The following ABTB2 variants were observed in gnomAD, a reference collection of about 807,000 sequenced individuals.
ABTB2 encodes ankyrin repeat and BTB domain containing 2.
A neutral mutation model predicts 104.1 loss-of-function variants in ABTB2; 56 were observed. The observed-to-expected ratio is 0.54, with a 90% CI of 0.43 to 0.67. The LOEUF is 0.67. Among genes scored for constraint, ABTB2 ranks in the 30% least tolerant of loss-of-function variants. ABTB2 has a pLI of 0.00. For synonymous variants in ABTB2, 606 were observed against 608.2 expected, an observed-to-expected ratio of 1.00 and a Z score of 0.05; for missense variants, 1,279 against 1,407.7, an observed-to-expected ratio of 0.91 and a Z score of 1.46.
intron 1 of ABTB2, among the ~76,000 whole-genome samples, chr11:34,327,437 G>A (rs1855083584): frequency 6.6e-6 from 1 of 152,142 alleles, no homozygotes; most frequent in African/African-American, 2.4e-5. Flanking sequence ...AGCCACTTGA[G>A]GGCCCAGTAG....
At chr11:34,340,335 G>A (rs115004065) in intron 1 of ABTB2, among the ~76,000 whole-genome samples, 2,278 of 152,312 alleles carry the variant, frequency 0.015, 63 homozygotes, top group African/African-American at 0.052. Flanking sequence ...GCTGCTACCT[G>A]CCATGTGCTG....
intron 1 of ABTB2, among the ~76,000 whole-genome samples, chr11:34,281,718 C>T (rs1854450755): frequency 6.6e-6 from 1 of 152,222 alleles, no homozygotes; most frequent in South Asian, 2.1e-4. Context: ...TTGCTATTCA[C>T]AGACACGAAG....
intron 1 of ABTB2, among the ~76,000 whole-genome samples, chr11:34,217,906 A>C (rs932130770): frequency 1.3e-5 from 2 of 152,234 alleles, no homozygotes; most frequent in Non-Finnish European, 2.9e-5. Context: ...CCAGCAATGC[A>C]TGAGAGTTCC....
At chr11:34,339,859 T>G (rs1855241069) in intron 1 of ABTB2, among the ~76,000 whole-genome samples, 1 of 152,094 alleles carries the variant, frequency 6.6e-6, no homozygotes, top group Non-Finnish European at 1.5e-5. Flanking sequence ...ACACCACAAA[T>G]TAATCCTATA....
In ABTB2 at chr11:34,154,864, AG is replaced by A; in HGVS notation, c.2698-96del. 7 of 1,244,634 alleles carry A rather than the reference AG, an allele frequency of 5.6e-6. No homozygotes were observed. The highest frequency in any genetic ancestry group is 5.8e-6 in the Non-Finnish European group (5 of 859,788). 77.1% of individuals were successfully genotyped at this position (1,244,634 alleles called of 1,614,324 possible). A position where few individuals can be genotyped will look rare whatever the true frequency, so the allele number is the denominator to read the frequency against. ...GGGTACTGCTCCAGCTGCCGCCTCCAGGGGCCTGTCCCTCTGCAGGTCCCCA... is the reference window on the plus strand; with the variant it reads ...GGGTACTGCTCCAGCTGCCGCCTCCAGGGCCTGTCCCTCTGCAGGTCCCCA... On this transcript the variant is annotated intron_variant, in intron 14 of 16. Coordinates refer to ENST00000435224, the MANE Select transcript of ABTB2 (RefSeq NM_145804.3). This position sits in a 1 kb window ranked among gnomAD's most constrained non-coding sequence, Gnocchi z 4.9.
chr11:34,345,823 A>T (rs1042680688), intron 1 of ABTB2, among the ~76,000 whole-genome samples: 7 of 152,216 alleles, frequency 4.6e-5, no homozygotes, highest in African/African-American at 1.7e-4. Flanking sequence ...GATGGGCTGA[A>T]GAAGAAACAA....
intron 1 of ABTB2, among the ~76,000 whole-genome samples, chr11:34,253,992 T>C (rs59355456): frequency 0.033 from 4,987 of 152,250 alleles, 276 homozygotes; most frequent in African/African-American, 0.11. Flanking sequence ...TGTAGATTTG[T>C]AGTTTCCTAT....
chr11:34,259,324 T>G (rs912100877), intron 1 of ABTB2, among the ~76,000 whole-genome samples: 4 of 152,102 alleles, frequency 2.6e-5, no homozygotes, highest in African/African-American at 9.7e-5. Context: ...TTGAATTAAG[T>G]GTGGTGATTT....
At chr11:34,223,892 T>C (rs1853656538) in intron 1 of ABTB2, among the ~76,000 whole-genome samples, 1 of 152,188 alleles carries the variant, frequency 6.6e-6, no homozygotes, top group Admixed American at 6.5e-5. Context: ...GTCTACACCC[T>C]GTAAACCCAG....
At chr11:34,324,806 G>A (rs1855048736) in intron 1 of ABTB2, among the ~76,000 whole-genome samples, 1 of 152,106 alleles carries the variant, frequency 6.6e-6, no homozygotes, top group African/African-American at 2.4e-5. Flanking sequence ...TGCCAAGAAA[G>A]CACAAAGACG....
chr11:34,302,132 G>A (rs887751083), intron 1 of ABTB2, among the ~76,000 whole-genome samples: 2 of 152,178 alleles, frequency 1.3e-5, no homozygotes, highest in Admixed American at 6.5e-5. Context: ...TACACCTCAC[G>A]TATGTGTATG....
chr11:34,271,732 CAAATACAT>C (rs1854315987), intron 1 of ABTB2, among the ~76,000 whole-genome samples: 1 of 145,518 alleles, frequency 6.9e-6, no homozygotes, highest in Non-Finnish European at 1.5e-5. Context: ...GACCCTATCT[CAAATACAT>C]ACATACATAC....
At chr11:34,165,088 CTGAT>C in intron 8 of ABTB2, among the ~76,000 whole-genome samples, 168 bp downstream of exon 8, 1 of 152,208 alleles carries the variant, frequency 6.6e-6, no homozygotes, top group East Asian at 1.9e-4. Flanking sequence ...CCAACAGAAA[CTGAT>C]GGGTGGGGCC....
At position 34,339,525 on chromosome 11, in the gene ABTB2, C is replaced by T. The variant is rs1236487692; in HGVS notation, c.883+17176G>A. On this transcript the variant is annotated intron_variant, in intron 1 of 16. Transcript: ENST00000435224. ...GCCTCACAAAAGACGATGGTGTGGT[C>T]GCCTGGGAGGGCCCTCAGTGAGGAC... Among the ~76,000 whole-genome samples, 4 of 152,310 alleles carry T rather than the reference C, an allele frequency of 2.6e-5. 1 individual carries two copies. The highest frequency in any genetic ancestry group is 1.3e-4 in the Admixed American group (2 of 15,302).
chr11:34,155,375 A>C (rs1181657759), intron 14 of ABTB2, among the ~76,000 whole-genome samples: 1 of 152,176 alleles, frequency 6.6e-6, no homozygotes, highest in Non-Finnish European at 1.5e-5. Context: ...GGAGGCCCGG[A>C]GCTCCCCTCG....
intron 4 of ABTB2, among the ~76,000 whole-genome samples, chr11:34,171,367 G>C (rs1432904512): frequency 6.6e-6 from 1 of 152,168 alleles, no homozygotes; most frequent in Non-Finnish European, 1.5e-5. Context: ...TTGAGGTCAG[G>C]AGTTCAAGAC....
intron 1 of ABTB2, among the ~76,000 whole-genome samples, chr11:34,289,892 T>A (rs1430320019): frequency 6.6e-6 from 1 of 152,214 alleles, no homozygotes; most frequent in African/African-American, 2.4e-5. Flanking sequence ...CAGATGTGTG[T>A]TGGTTGACCC....
intron 1 of ABTB2, among the ~76,000 whole-genome samples, chr11:34,221,032 C>T (rs1476479513): frequency 2.6e-5 from 4 of 151,226 alleles, no homozygotes; most frequent in Non-Finnish European, 5.9e-5. Context: ...TGGACTGGTG[C>T]GATCTTGGCT....
chr11:34,313,297 G>A (rs1327835272), intron 1 of ABTB2, among the ~76,000 whole-genome samples: 3 of 152,184 alleles, frequency 2.0e-5, no homozygotes, highest in Admixed American at 1.3e-4. Context: ...GCTGGCTCCC[G>A]GACAGACGGA....
Sources: allele counts gnomAD v4.1 joint callset (sites outside exome capture counted in the v4.1 genomes callset), GRCh38; gene constraint gnomAD v4.1.1; non-coding constraint Gnocchi (gnomAD v3.1); transcripts MANE v1.5; gene names NCBI Gene and HGNC (gene_info 2026-07-23, HGNC 2026-07-21).